The following METTL16 variants were observed in gnomAD, a reference collection of about 807,000 sequenced individuals.
The protein encoded by METTL16 is methyltransferase 16, RNA N6-adenosine.
Under a neutral mutation model 57.9 loss-of-function variants are expected in METTL16, and 19 were observed. The ratio of observed to expected loss-of-function variants is 0.33; its 90% CI spans 0.23 to 0.48. The LOEUF is 0.48. METTL16 is among the 20% of genes least tolerant of loss of function. METTL16 has a pLI of 0.99. For synonymous variants in METTL16, 246 were observed against 255.6 expected (o/e 0.96, Z 0.36); for missense variants, 434 against 691.5 (o/e 0.63, Z 4.18).
rs533479301 is a variant in METTL16, at chr17:2,498,126, A to G, written c.128+4078T>C. Among the ~76,000 whole-genome samples, 1,274 of 150,540 alleles carry G rather than the reference A, an allele frequency of 8.5e-3. 17 individuals are homozygous for G. Among genetic ancestry groups the G allele is most frequent in the South Asian group, 0.029 (139 of 4,712 alleles). Reference sequence around the variant, plus strand: ...GGAGAATGGCGTGAACCCGGGAGGCAGAGCTTGCAGTGAGCCGAGATCGCG... The same window carrying G: ...GGAGAATGGCGTGAACCCGGGAGGCGGAGCTTGCAGTGAGCCGAGATCGCG... On this transcript the variant is annotated intron_variant, in intron 2 of 9. Transcript: ENST00000263092.
chr17:2,418,799 T>A lies in METTL16; in HGVS notation c.*1171A>T, dbSNP rs1053795606. 1 of 152,268 alleles carries A rather than the reference T, an allele frequency of 6.6e-6. No homozygotes were observed. The allele number at this position is 152,268 out of a possible 1,614,324, so 9.4% of individuals were successfully genotyped here. A position where few individuals can be genotyped will look rare whatever the true frequency, so the allele number is the denominator to read the frequency against. On this transcript the variant is annotated 3_prime_UTR_variant, in exon 10 of 10. Coordinates refer to ENST00000263092, the MANE Select transcript of METTL16 (RefSeq NM_024086.4). ...GGCTGGCTTAACTACTCAGCCCCAG[T>A]CTTCTTAGCAGATGGCAAGGAGCTC... is the stretch of plus-strand genomic sequence containing the variant.
chr17:2,485,290 G>A (rs2151572454), intron 2 of METTL16, among the ~76,000 whole-genome samples: 1 of 152,330 alleles, frequency 6.6e-6, no homozygotes, highest in Non-Finnish European at 1.5e-5. Context: ...GTCTAGCTGA[G>A]GGGAAACAAG....
chr17:2,492,753 C>T (rs1368671620), intron 2 of METTL16, among the ~76,000 whole-genome samples: 2 of 151,736 alleles, frequency 1.3e-5, no homozygotes, highest in Admixed American at 6.6e-5. Context: ...AAAAATTAGC[C>T]AGGTGTGGTG....
intron 8 of METTL16, among the ~76,000 whole-genome samples, chr17:2,425,356 A>G (rs1184653661): frequency 6.6e-6 from 1 of 152,216 alleles, no homozygotes; most frequent in East Asian, 1.9e-4. Context: ...TTTAAAGTCT[A>G]CCCCAAAACC....
intron 2 of METTL16, among the ~76,000 whole-genome samples, chr17:2,500,393 C>T (rs954333883): frequency 3.3e-5 from 5 of 152,080 alleles, no homozygotes; most frequent in African/African-American, 7.2e-5. Context: ...TCTCCTGCCT[C>T]ACTCAGCCTC....
At chr17:2,511,606 C>T (rs535308775) in intron 1 of METTL16, among the ~76,000 whole-genome samples, 153 bp downstream of exon 1, 1 of 152,236 alleles carries the variant, frequency 6.6e-6, no homozygotes, top group South Asian at 2.1e-4. Flanking sequence ...CTCAACACCC[C>T]CGCGTGCGCA....
intron 1 of METTL16, among the ~76,000 whole-genome samples, 156 bp downstream of exon 1, chr17:2,511,603 C>A (rs928623824): frequency 6.6e-5 from 10 of 152,116 alleles, no homozygotes; most frequent in Non-Finnish European, 1.5e-4. Flanking sequence ...ACTCTCAACA[C>A]CCCCGCGTGC....
intron 7 of METTL16, 76 bp downstream of exon 7, chr17:2,441,414 T>C: frequency 9.5e-7 from 1 of 1,048,256 alleles, no homozygotes. Flanking sequence ...AATATATCAA[T>C]GTAGCAAAAC....
At chr17:2,421,672 A>G (rs1328935035) in intron 8 of METTL16, among the ~76,000 whole-genome samples, 1 of 152,206 alleles carries the variant, frequency 6.6e-6, no homozygotes, top group Non-Finnish European at 1.5e-5. Context: ...AAAGAACTGC[A>G]GGGCAGAAAC....
chr17:2,433,693 T>C (rs2066890431), intron 8 of METTL16, among the ~76,000 whole-genome samples: 1 of 152,218 alleles, frequency 6.6e-6, no homozygotes, highest in South Asian at 2.1e-4. Flanking sequence ...ATGTGAAGTA[T>C]TCAAACAACA....
chr17:2,461,375 A>AC (rs1555618447), intron 6 of METTL16, among the ~76,000 whole-genome samples: 1 of 152,138 alleles, frequency 6.6e-6, no homozygotes, highest in African/African-American at 2.4e-5. Flanking sequence ...AAAAAAACAA[A>AC]AAACAAACAA....
chr17:2,424,776 A>T (rs2066804362), intron 8 of METTL16, among the ~76,000 whole-genome samples: 2 of 151,988 alleles, frequency 1.3e-5, no homozygotes, highest in South Asian at 4.1e-4. Flanking sequence ...GTGAAATCCC[A>T]TCTCTACTAA....
At chr17:2,492,457 T>G (rs902028362) in intron 2 of METTL16, among the ~76,000 whole-genome samples, 1 of 152,110 alleles carries the variant, frequency 6.6e-6, no homozygotes, top group African/African-American at 2.4e-5. Flanking sequence ...TTAACAACAA[T>G]ATGAGCACCT....
At chr17:2,488,966 G>C in intron 2 of METTL16, among the ~76,000 whole-genome samples, 1 of 152,034 alleles carries the variant, frequency 6.6e-6, no homozygotes, top group Non-Finnish European at 1.5e-5. Context: ...GGTCAAATAA[G>C]CAATTAGATA....
chr17:2,463,518 G>T (rs1272755852), intron 6 of METTL16, among the ~76,000 whole-genome samples: 2 of 152,112 alleles, frequency 1.3e-5, no homozygotes, highest in Non-Finnish European at 2.9e-5. Flanking sequence ...CTGGAGCGCA[G>T]TGGCATGATC....
intron 1 of METTL16, among the ~76,000 whole-genome samples, chr17:2,509,969 C>A (rs1478347241): frequency 2.1e-5 from 3 of 145,578 alleles, no homozygotes; most frequent in Non-Finnish European, 4.5e-5. Context: ...CCCAGCTACT[C>A]GGGAGGCTGA....
intron 6 of METTL16, chr17:2,460,075 T>G (rs1330199207): frequency 6.6e-6 from 1 of 152,202 alleles, no homozygotes; most frequent in Non-Finnish European, 1.5e-5. Context: ...CAAATGTAAG[T>G]CATCATGGTA....
At chr17:2,479,330 C>CTTT (rs34609847) in intron 2 of METTL16, among the ~76,000 whole-genome samples, 10 of 105,602 alleles carry the variant, frequency 9.5e-5, no homozygotes, top group African/African-American at 3.0e-4. Flanking sequence ...CCACACTAAG[C>CTTT]TTTTTTTTTT....
At chr17:2,462,805 C>T (rs1415275231) in intron 6 of METTL16, among the ~76,000 whole-genome samples, 1 of 152,124 alleles carries the variant, frequency 6.6e-6, no homozygotes, top group Non-Finnish European at 1.5e-5. Context: ...TCAGGTATTT[C>T]TTTATAGCAG....
Sources: gnomAD v4.1 joint callset for allele counts (sites outside exome capture counted in the v4.1 genomes callset) on GRCh38, gnomAD v4.1.1 for gene constraint, MANE v1.5 for transcripts, NCBI Gene and HGNC (gene_info 2026-07-23, HGNC 2026-07-21) for gene names.